The following TFDP1 variants were observed in gnomAD, a reference collection of about 807,000 sequenced individuals.
TFDP1 encodes transcription factor Dp-1.
Under a neutral mutation model 48.0 loss-of-function variants are expected in TFDP1, and 6 were observed. The ratio of observed to expected loss-of-function variants is 0.13; its 90% CI spans 0.07 to 0.25. The LOEUF is 0.25. TFDP1 is among the 10% of genes least tolerant of loss of function. The pLI, the probability that TFDP1 is intolerant of heterozygous loss-of-function variation, is 1.00. For synonymous variants in TFDP1, 201 were observed against 211.6 expected (o/e 0.95, Z 0.44); for missense variants, 335 against 543.0 (o/e 0.62, Z 3.81).
intron 10 of TFDP1, chr13:113,637,309 TTTATTCC>T: frequency 8.1e-5 from 24 of 295,042 alleles, no homozygotes; most frequent in Non-Finnish European, 1.0e-4. Context: ...GGGGTGTAGA[TTTATTCC>T]CTGAGAGGGT....
chr13:113,620,395 A>AGCC (rs2048969184), intron 3 of TFDP1, among the ~76,000 whole-genome samples: 1 of 152,244 alleles, frequency 6.6e-6, no homozygotes, highest in African/African-American at 2.4e-5. Flanking sequence ...ATGGAGAGTG[A>AGCC]CAGTGCCACT....
intron 8 of TFDP1, among the ~76,000 whole-genome samples, chr13:113,635,627 C>T (rs889713362): frequency 6.6e-6 from 1 of 152,164 alleles, no homozygotes; most frequent in African/African-American, 2.4e-5. Context: ...AGGCCATCAC[C>T]CTGTAGGTGC....
intron 2 of TFDP1, among the ~76,000 whole-genome samples, chr13:113,606,167 G>A (rs1195156345): frequency 1.4e-5 from 2 of 144,638 alleles, no homozygotes; most frequent in South Asian, 2.3e-4. Flanking sequence ...ATGAGTGTCC[G>A]CAGGGGATCC....
chr13:113,614,382 G>A lies in TFDP1; in HGVS notation c.79+3320G>A, dbSNP rs559216354. ...GGGTGGTCCAGGCAGGGTCCTCGGC[G>A]CCCTTAGATGGAGCCGTTGCAGCTG... On this transcript the variant is annotated intron_variant, in intron 3 of 11. Coordinates refer to ENST00000375370, the MANE Select transcript of TFDP1 (RefSeq NM_007111.5). Among the ~76,000 whole-genome samples the A allele has an allele frequency of 1.8e-3, 279 of 152,268 alleles. 1 individual carries two copies. The highest frequency in any genetic ancestry group is 6.2e-3 in the African/African-American group (259 of 41,548).
intron 2 of TFDP1, among the ~76,000 whole-genome samples, chr13:113,602,127 G>T (rs974842024): frequency 2.6e-5 from 4 of 151,522 alleles, no homozygotes; most frequent in African/African-American, 7.3e-5. Context: ...AGTGGACAGA[G>T]TTACCCGCAG....
At position 113,623,065 on chromosome 13, in the gene TFDP1, G is replaced by T; in HGVS notation, c.80-115G>T. 1 of 864,704 alleles carries T rather than the reference G, an allele frequency of 1.2e-6. No individual in the cohort carries two copies. The highest frequency in any genetic ancestry group is 1.6e-5 in the South Asian group (1 of 62,206). The allele number at this position is 864,704 out of a possible 1,614,324, so 53.6% of individuals were successfully genotyped here. ...GAGCCCTGGATTTGAGACAGTACAC[G>T]TGGGGAAAGCTAAGCATCTCTAATT... is the stretch of plus-strand genomic sequence containing the variant. On this transcript the variant is annotated intron_variant, in intron 3 of 11. Transcript: ENST00000375370. This position sits in a 1 kb window ranked among gnomAD's most constrained non-coding sequence, Gnocchi z 5.2.
chr13:113,621,865 T>C (rs981766743), intron 3 of TFDP1, among the ~76,000 whole-genome samples: 136 of 152,354 alleles, frequency 8.9e-4, no homozygotes, highest in Non-Finnish European at 1.5e-3. Flanking sequence ...TGCAGTTATC[T>C]GGAGGCCTAA....
At chr13:113,613,719 G>C (rs948986527) in intron 3 of TFDP1, among the ~76,000 whole-genome samples, 1 of 130,694 alleles carries the variant, frequency 7.7e-6, no homozygotes, top group Non-Finnish European at 1.6e-5. Flanking sequence ...GGGTATGTGA[G>C]GAGTGTGTGC....
At chr13:113,620,268 A>T (rs1397457175) in intron 3 of TFDP1, among the ~76,000 whole-genome samples, 1 of 152,158 alleles carries the variant, frequency 6.6e-6, no homozygotes, top group African/African-American at 2.4e-5. Flanking sequence ...ACACTCCCTG[A>T]TGGGGCAGGA....
intron 4 of TFDP1, among the ~76,000 whole-genome samples, chr13:113,626,039 CGTCCTCAGGTGTCTCTCACAT>C (rs1566668023): frequency 3.5e-4 from 26 of 74,530 alleles, no homozygotes; most frequent in Non-Finnish European, 4.3e-4. Context: ...GTCTCTCACG[CGTCCTCAGGTGTCTCTCACAT>C]GTCCTCAGGT....
intron 2 of TFDP1, among the ~76,000 whole-genome samples, chr13:113,599,114 A>G (rs1358912556): frequency 6.6e-6 from 1 of 151,964 alleles, no homozygotes; most frequent in African/African-American, 2.4e-5. Flanking sequence ...AATTCTAAAT[A>G]AATGAACTCA....
rs1446991383 is a variant in TFDP1 at position 113,586,930 on chromosome 13, G to A, written c.12+1081G>A. ...CTTGTCCGTACCATGCCCTGACCTC[G>A]TGCGGGCATGCACTCAGAATGCCAG... is the stretch of plus-strand genomic sequence containing the variant. On this transcript the variant is annotated intron_variant, in intron 2 of 11. Transcript: ENST00000375370. Among the ~76,000 whole-genome samples the A allele has an allele frequency of 2.0e-5, 3 of 152,158 alleles. No homozygotes were observed. In the East Asian group the frequency reaches 5.8e-4, roughly 29 times the overall value.
chr13:113,586,735 G>C (rs1017041142), intron 2 of TFDP1, among the ~76,000 whole-genome samples: 2 of 152,224 alleles, frequency 1.3e-5, no homozygotes, highest in Non-Finnish European at 2.9e-5. Flanking sequence ...GAGGCCTTTT[G>C]GGGTGTCTGC....
At chr13:113,600,702 T>G in intron 2 of TFDP1, among the ~76,000 whole-genome samples, 1 of 125,620 alleles carries the variant, frequency 8.0e-6, no homozygotes, top group South Asian at 2.7e-4. Context: ...TGAGAGAGAA[T>G]CCTTGCATGT....
chr13:113,604,092 T>G (rs1566646257), intron 2 of TFDP1, among the ~76,000 whole-genome samples: 1 of 145,432 alleles, frequency 6.9e-6, no homozygotes, highest in Non-Finnish European at 1.5e-5. Context: ...ACCGGGAAGG[T>G]CAAGGCTGCA....
intron 4 of TFDP1, among the ~76,000 whole-genome samples, chr13:113,624,479 T>C (rs1594502092): frequency 6.6e-6 from 1 of 151,254 alleles, no homozygotes; most frequent in East Asian, 1.9e-4. Context: ...TCTCAGGGTG[T>C]CTCTCAGGTG....
At chr13:113,624,743 C>T (rs796601220) in intron 4 of TFDP1, among the ~76,000 whole-genome samples, 7 of 136,882 alleles carry the variant, frequency 5.1e-5, no homozygotes, top group African/African-American at 2.0e-4. Flanking sequence ...TCTCAGGTGT[C>T]TCTCAGGATA....
intron 2 of TFDP1, among the ~76,000 whole-genome samples, chr13:113,586,802 G>A (rs1417246538): frequency 6.6e-6 from 1 of 152,242 alleles, no homozygotes; most frequent in Non-Finnish European, 1.5e-5. Flanking sequence ...AAGCACTGGG[G>A]TCCCCTTTAG....
At chr13:113,635,394 G>A (rs1412600953) in intron 8 of TFDP1, among the ~76,000 whole-genome samples, 1 of 152,190 alleles carries the variant, frequency 6.6e-6, no homozygotes, top group Non-Finnish European at 1.5e-5. Flanking sequence ...GCCAGGTGGG[G>A]ATAGACCCAG....
Sources: allele counts gnomAD v4.1 joint callset (sites outside exome capture counted in the v4.1 genomes callset), GRCh38; gene constraint gnomAD v4.1.1; non-coding constraint Gnocchi (gnomAD v3.1); transcripts MANE v1.5; gene names NCBI Gene and HGNC (gene_info 2026-07-23, HGNC 2026-07-21).